Variants in SLC16A2 observed in about 807,000 individuals in gnomAD.
SLC16A2 encodes the protein solute carrier family 16 member 2.
Under a neutral mutation model 27.2 loss-of-function variants are expected in SLC16A2, and 3 were observed. That is an observed-to-expected ratio of 0.11 (90% CI 0.05 to 0.28). The LOEUF is 0.28. SLC16A2 is among the 10% of genes least tolerant of loss of function. SLC16A2 has a pLI of 1.00. For synonymous variants in SLC16A2, 202 were observed against 187.8 expected (o/e 1.08, Z -0.62); for missense variants, 295 against 458.5 (o/e 0.64, Z 3.26).
intron 1 of SLC16A2, among the ~76,000 whole-genome samples, chrX:74,478,742 A>G (rs972410248): frequency 9.0e-6 from 1 of 110,883 alleles, no homozygotes; most frequent in African/African-American, 3.3e-5. Flanking sequence ...TCACTTATGA[A>G]GCTTAGTTTG....
intron 5 of SLC16A2, among the ~76,000 whole-genome samples, chrX:74,530,444 G>T (rs1041414012): frequency 8.9e-6 from 1 of 111,934 alleles, no homozygotes; most frequent in East Asian, 2.8e-4. Flanking sequence ...ATTGATTCAC[G>T]CATTAGCTTC....
intron 4 of SLC16A2, 144 bp downstream of exon 4, chrX:74,526,037 T>C: frequency 1.4e-6 from 1 of 690,814 alleles, no homozygotes; most frequent in East Asian, 3.5e-5. Flanking sequence ...TCACCTGCTT[T>C]TAAACAAAGA....
intron 1 of SLC16A2, among the ~76,000 whole-genome samples, chrX:74,442,905 C>T (rs1194076634): frequency 1.8e-5 from 2 of 111,562 alleles, no homozygotes; most frequent in African/African-American, 6.5e-5. Context: ...TGCAGTGAGC[C>T]GAGATTGTGC....
chrX:74,469,697 G>C (rs1424572811), intron 1 of SLC16A2, among the ~76,000 whole-genome samples: 2 of 110,803 alleles, frequency 1.8e-5, no homozygotes, highest in East Asian at 5.6e-4. Flanking sequence ...TTTTAGATTT[G>C]TAGCAAAGTT....
At chrX:74,466,777 T>C (rs1344545766) in intron 1 of SLC16A2, among the ~76,000 whole-genome samples, 1 of 112,242 alleles carries the variant, frequency 8.9e-6, no homozygotes, top group Non-Finnish European at 1.9e-5. Context: ...AGTTGCCCTT[T>C]TGTGTATGGT....
intron 1 of SLC16A2, among the ~76,000 whole-genome samples, chrX:74,468,354 G>T (rs772857861): frequency 3.6e-5 from 4 of 111,672 alleles, no homozygotes; most frequent in Non-Finnish European, 7.5e-5. Context: ...CATATTAGTG[G>T]AATTATATAA....
chrX:74,429,492 T>C (rs1928493134), intron 1 of SLC16A2, among the ~76,000 whole-genome samples: 1 of 109,297 alleles, frequency 9.1e-6, no homozygotes, highest in African/African-American at 3.3e-5. Context: ...AAAAGTGCCT[T>C]CAGGGAGGGT....
intron 3 of SLC16A2, 80 bp downstream of exon 3, chrX:74,524,889 G>A: frequency 5.6e-6 from 5 of 899,911 alleles, no homozygotes; most frequent in Non-Finnish European, 8.0e-6. Context: ...GAGGGTGGGG[G>A]TGGGAGACAT....
At chrX:74,528,514 T>C (rs1292087643) in intron 4 of SLC16A2, among the ~76,000 whole-genome samples, 1 of 111,423 alleles carries the variant, frequency 9.0e-6, no homozygotes, top group Non-Finnish European at 1.9e-5. Context: ...ACCTTCCCAG[T>C]GGCTTGGTTC....
chrX:74,479,553 A>G (rs1390556005), intron 1 of SLC16A2, among the ~76,000 whole-genome samples: 1 of 111,753 alleles, frequency 8.9e-6, no homozygotes, highest in African/African-American at 3.3e-5. Flanking sequence ...GGAGGAAGAG[A>G]GGCGCTCTGA....
At position 74,489,862 on chromosome X, in the gene SLC16A2, C is replaced by T. The variant is rs761324746; in HGVS notation, c.431-31128C>T. Among the ~76,000 whole-genome samples the T allele has an allele frequency of 2.7e-5, 3 of 110,282 alleles. No individual in the cohort carries two copies. In the South Asian group the frequency reaches 1.2e-3, roughly 43 times the overall value. The stretch of plus-strand genomic sequence containing the variant: ...GGTGAAAAATCAGCAAAATTTACAT[C>T]TCAAGGTACCAAGAGAGAAAGTCTG... On this transcript the variant is annotated intron_variant, in intron 1 of 5. Coordinates refer to ENST00000587091, the MANE Select transcript of SLC16A2 (RefSeq NM_006517.5).
At position 74,524,569 on chromosome X, in the gene SLC16A2, C is replaced by T. The variant is rs1345684548; in HGVS notation, c.786C>T (p.Thr262=). Residue 262 remains threonine (T), a synonymous_variant, in exon 3 of 6, where the codon ACC becomes ACT. Transcript: ENST00000587091. The part of the protein sequence containing the change: ...MLGDKIKLAQ[T]FQVLSTFMFV... ...GGGATAAGATCAAGCTGGCCCAAAC[C>T]TTCCAGGTGCTGAGTACCTTCATGT... 8.3e-7 allele frequency: 1 copy of T among 1,211,284 alleles called. No individual in the cohort carries two copies.
chrX:74,429,507 G>T lies in SLC16A2; in HGVS notation c.430+7440G>T, dbSNP rs189241611. Among the ~76,000 whole-genome samples the T allele has an allele frequency of 7.8e-3, 866 of 110,404 alleles. 14 individuals are homozygous for T. Among genetic ancestry groups the T allele is most frequent in the African/African-American group, 0.027 (825 of 30,297 alleles). The stretch of plus-strand genomic sequence containing the variant: ...AAAAGTGCCTTCAGGGAGGGTGGAG[G>T]TGGGGGAGTGAAGCTCCCAGTTTAG... On this transcript the variant is annotated intron_variant, in intron 1 of 5. Transcript: ENST00000587091.
intron 1 of SLC16A2, among the ~76,000 whole-genome samples, chrX:74,444,835 A>G (rs1421409539): frequency 1.8e-5 from 2 of 111,785 alleles, no homozygotes; most frequent in Non-Finnish European, 3.8e-5. Context: ...CCTAGCTTAT[A>G]TCCTGTCCAC....
At chrX:74,477,591 C>G (rs1016845059) in intron 1 of SLC16A2, among the ~76,000 whole-genome samples, 1 of 112,114 alleles carries the variant, frequency 8.9e-6, no homozygotes, top group Non-Finnish European at 1.9e-5. Context: ...AATTTGAGAT[C>G]TTTCCTGCTT....
In SLC16A2 at chrX:74,421,719, A is replaced by G. The variant is rs1276852583; in HGVS notation, c.82A>G (p.Ser28Gly). The change falls in exon 1 of 6, where the codon AGC becomes GGC. Residue 28 changes from serine to glycine, a missense_variant. By Grantham distance (56) the Ser-to-Gly change is moderately conservative. This residue lies in a region of SLC16A2 where 92 missense variants were observed against 85.1 expected (regional missense o/e 1.08). Coordinates refer to ENST00000587091, the MANE Select transcript of SLC16A2 (RefSeq NM_006517.5). ...ADQEQQEPVG[S>G]PEPESEPEPE... ...CCAGGAACAGCAGGAGCCGGTGGGT[A>G]GCCCAGAGCCGGAGTCTGAGCCGGA... 8.5e-7 allele frequency: 1 copy of G among 1,174,827 alleles called. No individual in the cohort carries two copies. Among genetic ancestry groups the G allele is most frequent in the Non-Finnish European group, 1.1e-6 (1 of 879,042 alleles).
At chrX:74,503,866 T>G (rs1930078913) in intron 1 of SLC16A2, among the ~76,000 whole-genome samples, 1 of 112,293 alleles carries the variant, frequency 8.9e-6, no homozygotes, top group South Asian at 3.7e-4. Context: ...ACCAAGTCTT[T>G]CTTGGTATGT....
At chrX:74,433,108 A>C (rs886583292) in intron 1 of SLC16A2, among the ~76,000 whole-genome samples, 1 of 111,879 alleles carries the variant, frequency 8.9e-6, no homozygotes, top group African/African-American at 3.3e-5. Flanking sequence ...ATGGTGGCTC[A>C]CACCTGTAAT....
chrX:74,517,125 A>C (rs1207659934), intron 1 of SLC16A2, among the ~76,000 whole-genome samples: 1 of 112,016 alleles, frequency 8.9e-6, no homozygotes. Flanking sequence ...AAAATGATAC[A>C]GAACTATATG....
Sources: allele counts gnomAD v4.1 joint callset (sites outside exome capture counted in the v4.1 genomes callset), GRCh38; gene constraint gnomAD v4.1.1; regional missense constraint gnomAD v4.1.1; transcripts MANE v1.5; gene names NCBI Gene and HGNC (gene_info 2026-07-23, HGNC 2026-07-21).